Variants in DPP10 observed in about 807,000 individuals in gnomAD.
The protein encoded by DPP10 is inactive dipeptidyl peptidase 10.
DPP10 carries 33 observed loss-of-function variants against 120.9 expected under a neutral mutation model. The ratio of observed to expected loss-of-function variants is 0.27; its 90% CI spans 0.21 to 0.37. The LOEUF is 0.37. DPP10 is among the 10% of genes least tolerant of loss of function. DPP10 has a pLI of 1.00. For missense variants in DPP10, 816 were observed against 942.8 expected (o/e 0.87, Z 1.76); for synonymous variants, 337 against 326.1 (o/e 1.03, Z -0.36).
At position 115,701,661 on chromosome 2, in the gene DPP10, G is replaced by A. The variant is rs190249009; in HGVS notation, c.576+11740G>A. 8.7e-4 allele frequency among the ~76,000 whole-genome samples: 132 copies of A among 152,062 alleles called. 1 individual carries two copies. The highest frequency in any genetic ancestry group is 8.5e-3 in the Admixed American group (130 of 15,248). On this transcript the variant is annotated intron_variant, in intron 7 of 25. Transcript: ENST00000410059. ...AGAACACTATCATTGGAGTAAAAAGGCAACATGTGGAATAGAAAATATTTC... is the reference window on the plus strand; with the variant it reads ...AGAACACTATCATTGGAGTAAAAAGACAACATGTGGAATAGAAAATATTTC...
At chr2:115,137,189 A>G (rs2050691542) in intron 1 of DPP10, among the ~76,000 whole-genome samples, 1 of 152,344 alleles carries the variant, frequency 6.6e-6, no homozygotes, top group African/African-American at 2.4e-5. Context: ...TGGGAAGAGC[A>G]TCTATTTGGG....
At chr2:115,728,381 G>A (rs555781658) in intron 8 of DPP10, among the ~76,000 whole-genome samples, 1 of 151,832 alleles carries the variant, frequency 6.6e-6, no homozygotes, top group South Asian at 2.1e-4. Context: ...ATTGCAGAGG[G>A]AGCAAAATAA....
chr2:115,455,693 C>G (rs1315520787), intron 3 of DPP10, among the ~76,000 whole-genome samples: 1 of 151,966 alleles, frequency 6.6e-6, no homozygotes, highest in African/African-American at 2.4e-5. Context: ...CTTTGACAAA[C>G]CTGACAAAAA....
chr2:115,001,773 T>C (rs2105006631), intron 1 of DPP10, among the ~76,000 whole-genome samples: 2 of 152,238 alleles, frequency 1.3e-5, no homozygotes, highest in South Asian at 2.1e-4. Context: ...AATGCAATCC[T>C]ATTCACAATC....
At chr2:115,773,832 T>G (rs79129621) in intron 13 of DPP10, among the ~76,000 whole-genome samples, 2,875 of 152,152 alleles carry the variant, frequency 0.019, 84 homozygotes, top group African/African-American at 0.064. Context: ...GGTATTAAGA[T>G]TATTAGCCAG....
At chr2:114,731,341 G>A (rs986015410) in intron 1 of DPP10, among the ~76,000 whole-genome samples, 1 of 152,002 alleles carries the variant, frequency 6.6e-6, no homozygotes, top group Non-Finnish European at 1.5e-5. Flanking sequence ...TTGATTAACA[G>A]CACTGTACTT....
At chr2:114,604,159 A>G (rs1264440813) in intron 1 of DPP10, among the ~76,000 whole-genome samples, 1 of 152,012 alleles carries the variant, frequency 6.6e-6, no homozygotes, top group Non-Finnish European at 1.5e-5. Context: ...CAACTTCTCC[A>G]TGTACCAAAT....
chr2:114,869,353 C>A (rs138276637), intron 1 of DPP10, among the ~76,000 whole-genome samples: 1 of 151,920 alleles, frequency 6.6e-6, no homozygotes, highest in Non-Finnish European at 1.5e-5. Context: ...TGGCTCCCAG[C>A]TTGTCTGAGT....
intron 3 of DPP10, among the ~76,000 whole-genome samples, chr2:115,438,553 T>C (rs2071717729): frequency 6.6e-6 from 1 of 152,192 alleles, no homozygotes; most frequent in African/African-American, 2.4e-5. Flanking sequence ...AATAAAATAT[T>C]ATTTAGCCTT....
At chr2:114,872,413 G>T (rs1044366146) in intron 1 of DPP10, among the ~76,000 whole-genome samples, 1 of 152,118 alleles carries the variant, frequency 6.6e-6, no homozygotes, top group Admixed American at 6.6e-5. Flanking sequence ...CAACACGTGG[G>T]TATTACAATT....
chr2:114,686,739 GA>G (rs1471707699), intron 1 of DPP10, among the ~76,000 whole-genome samples: 1 of 151,802 alleles, frequency 6.6e-6, no homozygotes, highest in Admixed American at 6.6e-5. Flanking sequence ...CCTGAGCCAG[GA>G]AAAAACGCAA....
intron 1 of DPP10, among the ~76,000 whole-genome samples, chr2:115,077,808 A>G (rs1707925749): frequency 6.6e-6 from 1 of 152,136 alleles, no homozygotes; most frequent in African/African-American, 2.4e-5. Flanking sequence ...TTTTTCTGTA[A>G]TATTTCAGGA....
intron 5 of DPP10, among the ~76,000 whole-genome samples, chr2:115,582,263 A>T (rs1409264236): frequency 1.2e-5 from 1 of 80,252 alleles, no homozygotes; most frequent in Non-Finnish European, 2.5e-5. Flanking sequence ...TGTTTACTGA[A>T]GTTGTGCCCA....
In DPP10 at chr2:115,162,493, G is replaced by A. The variant is rs544480326; in HGVS notation, c.61-146746G>A. 3.3e-4 allele frequency among the ~76,000 whole-genome samples: 50 copies of A among 152,336 alleles called. 1 individual carries two copies. The South Asian group carries it at 9.5e-3, about 29-fold the overall frequency. ...CGAGCAGGCGAATGACCTTTAGGCGGACGGGGTTTTCCCTCTGCTTTCTTG... is the reference window on the plus strand; with the variant it reads ...CGAGCAGGCGAATGACCTTTAGGCGAACGGGGTTTTCCCTCTGCTTTCTTG... On this transcript the variant is annotated intron_variant, in intron 1 of 25. Coordinates refer to ENST00000410059, the MANE Select transcript of DPP10 (RefSeq NM_020868.6).
intron 1 of DPP10, among the ~76,000 whole-genome samples, chr2:114,816,188 G>T (rs1574256417): frequency 6.6e-6 from 1 of 152,096 alleles, no homozygotes; most frequent in Admixed American, 6.6e-5. Flanking sequence ...CCCTTTGTTA[G>T]CCCTTTTTTG....
intron 1 of DPP10, among the ~76,000 whole-genome samples, chr2:115,118,642 ATC>A (rs1343872361): frequency 6.6e-6 from 1 of 151,914 alleles, no homozygotes; most frequent in Non-Finnish European, 1.5e-5. Context: ...CAGTAGTGCA[ATC>A]TCTCAGCTCA....
At chr2:114,829,149 C>A (rs917525843) in intron 1 of DPP10, among the ~76,000 whole-genome samples, 15 of 151,730 alleles carry the variant, frequency 9.9e-5, no homozygotes, top group African/African-American at 3.6e-4. Flanking sequence ...ATTAGCCAGG[C>A]ACTGTAGCAG....
At chr2:115,563,306 A>G (rs2080804017) in intron 5 of DPP10, among the ~76,000 whole-genome samples, 1 of 152,126 alleles carries the variant, frequency 6.6e-6, no homozygotes, top group African/African-American at 2.4e-5. Flanking sequence ...TCTCGTAAAT[A>G]TCAGACTTCC....
rs13429241 is a variant in DPP10, at chr2:115,110,748, T to C, written c.61-198491T>C. ...TTTTGTTTCTTCAGGTAGTTTTCTT[T>C]ATACAGTTTAAATAAATATTTTGAT... On this transcript the variant is annotated intron_variant, in intron 1 of 25. Transcript: ENST00000410059. 1.2e-3 allele frequency among the ~76,000 whole-genome samples: 182 copies of C among 152,256 alleles called. 1 individual carries two copies. The highest frequency in any genetic ancestry group is 3.6e-3 in the African/African-American group (149 of 41,574).
Sources: allele counts gnomAD v4.1 joint callset (sites outside exome capture counted in the v4.1 genomes callset), GRCh38; gene constraint gnomAD v4.1.1; transcripts MANE v1.5; gene names NCBI Gene and HGNC (gene_info 2026-07-23, HGNC 2026-07-21).